MROH2A: variants seen among roughly 807,000 people sequenced by gnomAD.
MROH2A encodes maestro heat-like repeat-containing protein family member 2A.
In MROH2A, 174 loss-of-function variants were observed where a neutral mutation model predicts 200.4. The ratio of observed to expected loss-of-function variants is 0.87; its 90% CI spans 0.77 to 0.98. The LOEUF is 0.98. Ranked by LOEUF, MROH2A falls within the 50% of genes least tolerant of loss-of-function variation. The pLI is 0.00. For missense variants in MROH2A, 2,045 were observed against 2,139.6 expected (o/e 0.96, Z 0.87); for synonymous variants, 829 against 840.4 (o/e 0.99, Z 0.23).
chr2:233,814,266 A>G lies in MROH2A; in HGVS notation c.2761-316A>G, dbSNP rs1322655751. 3.9e-4 allele frequency among the ~76,000 whole-genome samples: 60 copies of G among 152,056 alleles called. 3 individuals carry two copies. Among genetic ancestry groups the G allele is most frequent in the Admixed American group, 3.9e-3 (59 of 15,280 alleles). ...CCTGGGAAATGTAGTCCCTGATGAG[A>G]TGGCTGTTTCCCTGACAACACTGTG... On this transcript the variant is annotated intron_variant, in intron 25 of 41. Transcript: ENST00000389758.
At chr2:233,782,695 T>A (rs552700762) in intron 3 of MROH2A, among the ~76,000 whole-genome samples, 1 of 152,340 alleles carries the variant, frequency 6.6e-6, no homozygotes, top group South Asian at 2.1e-4. Flanking sequence ...CTATTTTGTA[T>A]GCCCTTTGTT....
At chr2:233,817,885 A>C in intron 27 of MROH2A, 117 bp from the exon 28 acceptor site, 1 of 1,264,428 alleles carries the variant, frequency 7.9e-7, no homozygotes. Context: ...CCCTTCCCCA[A>C]ATGGGTGTTT....
At chr2:233,803,591 C>A in intron 16 of MROH2A, 103 bp downstream of exon 16, 1 of 1,262,354 alleles carries the variant, frequency 7.9e-7, no homozygotes, top group Non-Finnish European at 1.1e-6. Flanking sequence ...TATGAGGAAG[C>A]TGAGGTGCAA....
At position 233,822,142 on chromosome 2, in the gene MROH2A, G is replaced by C. The variant is rs1703982079; in HGVS notation, c.3531G>C (p.Trp1177Cys). Residue 1177 changes from tryptophan (W) to cysteine (C), a missense_variant, in exon 32 of 42, where the codon TGG becomes TGC. Physicochemically the swap from Trp to Cys is radical, Grantham distance 215. Around this residue, in one of 3 missense-constraint regions of MROH2A, gnomAD observed 1,201 missense variants for 1,311.3 expected, o/e 0.92. Coordinates refer to ENST00000389758, the MANE Select transcript of MROH2A (RefSeq NM_001394639.1). ...TGGTTAGCCACCTGGCAGAGGTGTG[G>C]CTGGCAGTGTCGGAGAACGTGCCCT... ...LPMESHLAEV[W>C]LAVSENVPFA... 6.5e-7 allele frequency: 1 copy of C among 1,549,754 alleles called. No individual in the cohort carries two copies. Among genetic ancestry groups the C allele is most frequent in the Non-Finnish European group, 8.7e-7 (1 of 1,146,754 alleles).
chr2:233,833,409 T>A lies in MROH2A; in HGVS notation c.*150T>A. ...TCCTTCCGTTGAAATAAACCTCCAC[T>A]GTCGTTGGAGTAGACTTGTGACTGT... On this transcript the variant is annotated 3_prime_UTR_variant, in exon 42 of 42. Transcript: ENST00000389758. The A allele has an allele frequency of 1.1e-6, 1 of 902,438 alleles. No homozygotes were observed. The highest frequency in any genetic ancestry group is 1.6e-6 in the Non-Finnish European group (1 of 634,986). 55.9% of individuals were successfully genotyped at this position (902,438 alleles called of 1,614,324 possible). A position where few individuals can be genotyped will look rare whatever the true frequency, so the allele number is the denominator to read the frequency against.
chr2:233,792,888 T>C lies in MROH2A; in HGVS notation c.664T>C (p.Cys222Arg). The C allele has an allele frequency of 6.4e-7, 1 of 1,550,534 alleles. No individual in the cohort carries two copies. The highest frequency in any genetic ancestry group is 8.7e-7 in the Non-Finnish European group (1 of 1,146,996). Residue 222 changes from cysteine (C) to arginine (R), a missense_variant, in exon 6 of 42, where the codon TGC becomes CGC. Around this residue, in one of 3 missense-constraint regions of MROH2A, gnomAD observed 831 missense variants for 800.0 expected, o/e 1.04. Coordinates refer to ENST00000389758, the MANE Select transcript of MROH2A (RefSeq NM_001394639.1). ...ANEAKIRQAI[C>R]SAMETFCETV... ...TGAAGCCAAGATACGCCAGGCGATC[T>C]GCAGTGGTGAGTGTCCCACTTGAGC...
intron 16 of MROH2A, 111 bp downstream of exon 16, chr2:233,803,599 C>A: frequency 8.7e-7 from 1 of 1,154,044 alleles, no homozygotes. Context: ...AGCTGAGGTG[C>A]AATGAGGGAG....
In MROH2A at chr2:233,805,080, T is replaced by C; in HGVS notation, c.2021T>C (p.Ile674Thr). Residue 674 changes from isoleucine to threonine, a missense_variant, in exon 19 of 42, where the codon ATT becomes ACT. Transcript: ENST00000389758. ...TTGAGTAAAGAGCTGAACAACCAGATTGCGAGCTTTGACAGCCCCTCTCTG... is the reference window on the plus strand; with the variant it reads ...TTGAGTAAAGAGCTGAACAACCAGACTGCGAGCTTTGACAGCCCCTCTCTG... ...LRLSKELNNQ[I>T]ASFDSPSLEK... 1 of 1,549,784 alleles carries C rather than the reference T, an allele frequency of 6.5e-7. No individual in the cohort carries two copies. The highest frequency in any genetic ancestry group is 1.4e-5 in the African/African-American group (1 of 73,120).
At chr2:233,819,849 A>G in intron 30 of MROH2A, 53 bp from the exon 31 acceptor site, 2 of 1,452,616 alleles carry the variant, frequency 1.4e-6, no homozygotes, top group Non-Finnish European at 9.1e-7. Context: ...GGGTTAGTGC[A>G]GGAGGCCATA....
At position 233,779,688 on chromosome 2, in the gene MROH2A, G is replaced by C; in HGVS notation, c.112G>C (p.Val38Leu). Residue 38 changes from valine (V) to leucine (L), a missense_variant, in exon 3 of 42, where the codon GTG (valine) becomes CTG (leucine). Physicochemically the swap from Val to Leu is conservative, Grantham distance 32 (BLOSUM62 1). Around this residue, in one of 3 missense-constraint regions of MROH2A, gnomAD observed 831 missense variants for 800.0 expected, o/e 1.04. Coordinates refer to ENST00000389758, the MANE Select transcript of MROH2A (RefSeq NM_001394639.1). ...LHDSGTFQQV[V>L]NLLDIIDSES... is the part of the protein sequence containing the mutation. ...TTTCATAGGTACCTTTCAACAAGTC[G>C]TGAACCTTCTGGACATCATTGACAG... 1 of 1,551,110 alleles carries C rather than the reference G, an allele frequency of 6.4e-7. No individual in the cohort carries two copies. The highest frequency in any genetic ancestry group is 8.7e-7 in the Non-Finnish European group (1 of 1,147,110).
At chr2:233,827,735 T>TA (rs1173903801) in intron 35 of MROH2A, among the ~76,000 whole-genome samples, 26 of 150,194 alleles carry the variant, frequency 1.7e-4, no homozygotes, top group Admixed American at 4.6e-4. Context: ...AAATAAAAAT[T>TA]AAAAAAAAAA....
At position 233,833,326 on chromosome 2, in the gene MROH2A, G is replaced by T; in HGVS notation, c.*67G>T. The T allele has an allele frequency of 7.0e-7, 1 of 1,428,828 alleles. No individual in the cohort carries two copies. The highest frequency in any genetic ancestry group is 2.6e-5 in the East Asian group (1 of 38,124). The allele number at this position is 1,428,828 out of a possible 1,614,324, so 88.5% of individuals were successfully genotyped here. ...ATGCAAGCCCTTTTTAATTTAGTTTGTAAGAAGTTTAGTTTGTAGGAAAAA... is the reference window on the plus strand; with the variant it reads ...ATGCAAGCCCTTTTTAATTTAGTTTTTAAGAAGTTTAGTTTGTAGGAAAAA... On this transcript the variant is annotated 3_prime_UTR_variant, in exon 42 of 42. Coordinates refer to ENST00000389758, the MANE Select transcript of MROH2A (RefSeq NM_001394639.1).
intron 31 of MROH2A, among the ~76,000 whole-genome samples, chr2:233,821,119 G>T (rs1290045435): frequency 6.6e-6 from 1 of 152,208 alleles, no homozygotes; most frequent in Non-Finnish European, 1.5e-5. Context: ...CAACATCCAT[G>T]GATTAGCTCA....
At chr2:233,797,607 TA>T (rs1423247016) in intron 11 of MROH2A, among the ~76,000 whole-genome samples, 1 of 152,240 alleles carries the variant, frequency 6.6e-6, no homozygotes, top group Admixed American at 6.5e-5. Flanking sequence ...CATTTATGCA[TA>T]AACAGGTCTG....
chr2:233,784,043 G>C (rs1362807688), intron 3 of MROH2A, among the ~76,000 whole-genome samples: 1 of 150,814 alleles, frequency 6.6e-6, no homozygotes. Context: ...TCTTGATTTT[G>C]TTTATGTCTG....
At chr2:233,826,971 A>C (rs1169800620) in intron 35 of MROH2A, among the ~76,000 whole-genome samples, 1 of 152,246 alleles carries the variant, frequency 6.6e-6, no homozygotes, top group Non-Finnish European at 1.5e-5. Context: ...ATATGAAAAA[A>C]AGCTAAATAT....
Position 233,827,574 on chromosome 2 carries a change from G to C in MROH2A, c.4114-1056G>C, listed in dbSNP as rs548079402. Among the ~76,000 whole-genome samples the C allele has an allele frequency of 1.1e-4, 17 of 152,252 alleles. No homozygotes were observed. The South Asian group carries it at 2.7e-3, about 24-fold the overall frequency. On this transcript the variant is annotated intron_variant, in intron 35 of 41. Transcript: ENST00000389758. ...AACACACACTGGGCCTGTTGGGAGT[G>C]GGGTGGGGGAAGAGAGAGTATTAGG...
At chr2:233,798,203 G>T (rs1227891134) in intron 11 of MROH2A, among the ~76,000 whole-genome samples, 1 of 152,180 alleles carries the variant, frequency 6.6e-6, no homozygotes, top group Non-Finnish European at 1.5e-5. Context: ...TGGGTGTGCT[G>T]TCATCAGTTG....
chr2:233,804,178 TC>T lies in MROH2A; in HGVS notation c.1879del (p.Arg627GlyfsTer20). 6.4e-7 allele frequency: 1 copy of T among 1,550,476 alleles called. No homozygotes were observed. The highest frequency in any genetic ancestry group is 8.7e-7 in the Non-Finnish European group (1 of 1,146,980). ...DMWELEIALL[V>X]RYLEEHTEFT... Reference sequence around the variant, plus strand: ...TGGGAGCTGGAGATTGCGCTACTGGTCCGGTACCTGGAAGGTGAGGTTCCTG... The same window carrying T: ...TGGGAGCTGGAGATTGCGCTACTGGTCGGTACCTGGAAGGTGAGGTTCCTG... On this transcript the variant is annotated frameshift_variant, in exon 17 of 42. Coordinates refer to ENST00000389758, the MANE Select transcript of MROH2A (RefSeq NM_001394639.1). LOFTEE classifies it high-confidence loss of function.
Sources: allele counts gnomAD v4.1 joint callset (sites outside exome capture counted in the v4.1 genomes callset), GRCh38; gene constraint gnomAD v4.1.1; regional missense constraint gnomAD v4.1.1; transcripts MANE v1.5; gene names NCBI Gene and HGNC (gene_info 2026-07-23, HGNC 2026-07-21).